Variants in MAN2B2 observed in about 807,000 individuals in gnomAD.
The protein encoded by MAN2B2 is epididymis-specific alpha-mannosidase.
MAN2B2 carries 106 observed loss-of-function variants against 117.1 expected under a neutral mutation model. The observed-to-expected ratio is 0.90, with a 90% CI of 0.77 to 1.06. MAN2B2 has a LOEUF of 1.06. Ranked by LOEUF, MAN2B2 falls within the 50% of genes least tolerant of loss-of-function variation. The pLI, the probability that MAN2B2 is intolerant of heterozygous loss-of-function variation, is 0.00. For synonymous variants in MAN2B2, 544 were observed against 595.1 expected (o/e 0.91, Z 1.25); for missense variants, 1,326 against 1,381.4 (o/e 0.96, Z 0.64).
rs534295259 is a variant in MAN2B2 at position 6,610,448 on chromosome 4, C to T, written c.2259+398C>T. Among the ~76,000 whole-genome samples, 241 of 152,302 alleles carry T rather than the reference C, an allele frequency of 1.6e-3. 1 individual carries two copies. Among genetic ancestry groups the T allele is most frequent in the African/African-American group, 5.5e-3 (229 of 41,548 alleles). On this transcript the variant is annotated intron_variant, in intron 13 of 18. Transcript: ENST00000285599. ...CTGGGATTACAGGTGTGAGCCACCG[C>T]GCCCGGCCTCCAGAGAGAATTCTTT...
At chr4:6,587,298 G>A (rs565585135) in intron 4 of MAN2B2, 130 bp downstream of exon 4, 225 of 1,141,412 alleles carry the variant, frequency 2.0e-4, no homozygotes, top group Admixed American at 2.5e-4. Flanking sequence ...CATAGACCGC[G>A]GGGCTGTCCC....
At position 6,622,564 on chromosome 4, in the gene MAN2B2, G is replaced by A. The variant is rs1341489941; in HGVS notation, c.*1279G>A. 1 of 151,600 alleles carries A rather than the reference G, an allele frequency of 6.6e-6. No individual in the cohort carries two copies. Among genetic ancestry groups the A allele is most frequent in the Non-Finnish European group, 1.5e-5 (1 of 67,980 alleles). 9.4% of individuals were successfully genotyped at this position (151,600 alleles called of 1,614,324 possible). A position where few individuals can be genotyped will look rare whatever the true frequency, so the allele number is the denominator to read the frequency against. On this transcript the variant is annotated 3_prime_UTR_variant, in exon 19 of 19. Coordinates refer to ENST00000285599, the MANE Select transcript of MAN2B2 (RefSeq NM_015274.3). ...AGCAATTCTCCAGCCTCTGCCTCCC[G>A]AGTAGCTGCTACTAGAGATGCACCA...
chr4:6,621,337 C>T lies in MAN2B2; in HGVS notation c.*52C>T, dbSNP rs1445345334. 7.5e-6 allele frequency: 11 copies of T among 1,476,270 alleles called. No individual in the cohort carries two copies. Among genetic ancestry groups the T allele is most frequent in the Non-Finnish European group, 1.0e-5 (11 of 1,061,404 alleles). The allele number at this position is 1,476,270 out of a possible 1,614,324, so 91.4% of individuals were successfully genotyped here. ...GGCTTCCCCCAGGAACTCCATGTAA[C>T]AGAACAGACCCAGGACAGGGAAAAG... On this transcript the variant is annotated 3_prime_UTR_variant, in exon 19 of 19. Coordinates refer to ENST00000285599, the MANE Select transcript of MAN2B2 (RefSeq NM_015274.3).
At chr4:6,604,735 T>C (rs2108750451) in intron 10 of MAN2B2, among the ~76,000 whole-genome samples, 2 of 152,084 alleles carry the variant, frequency 1.3e-5, no homozygotes, top group Non-Finnish European at 2.9e-5. Flanking sequence ...TTGGGTTTGC[T>C]TTTGGGAGTC....
chr4:6,578,167 C>A (rs925727159), intron 2 of MAN2B2, among the ~76,000 whole-genome samples: 2 of 152,072 alleles, frequency 1.3e-5, no homozygotes, highest in Admixed American at 6.6e-5. Flanking sequence ...TTAAGAAAAT[C>A]TTATATATAC....
intron 3 of MAN2B2, among the ~76,000 whole-genome samples, chr4:6,585,805 A>C (rs1726608237): frequency 6.6e-6 from 1 of 152,162 alleles, no homozygotes. Context: ...TGTGAGAGGA[A>C]GCCTCAGTTC....
At position 6,578,360 on chromosome 4, in the gene MAN2B2, C is replaced by G. The variant is rs146629779; in HGVS notation, c.286-33C>G. The stretch of plus-strand genomic sequence containing the variant: ...ACCCAGCCATGCTCAGGAGCCGTAA[C>G]TGGCTTTTTTCTCTCTGCCTGCCCA... On this transcript the variant is annotated intron_variant, in intron 2 of 18. Coordinates refer to ENST00000285599, the MANE Select transcript of MAN2B2 (RefSeq NM_015274.3). 21 of 1,555,634 alleles carry G rather than the reference C, an allele frequency of 1.3e-5. No homozygotes were observed. In the East Asian group the frequency reaches 4.1e-4, roughly 31 times the overall value.
At chr4:6,579,277 C>CCACCATCACCAT (rs1560634902) in intron 3 of MAN2B2, among the ~76,000 whole-genome samples, 1 of 107,632 alleles carries the variant, frequency 9.3e-6, no homozygotes, top group Non-Finnish European at 2.1e-5. Context: ...ACCATCACCA[C>CCACCATCACCAT]CACCATCACC....
chr4:6,617,644 GGGTTT>G (rs1476351052), intron 17 of MAN2B2, 152 bp downstream of exon 17: 10 of 1,460,868 alleles, frequency 6.8e-6, no homozygotes, highest in African/African-American at 1.4e-5. Flanking sequence ...ATGGTCTTCT[GGGTTT>G]GTCAGGTATT....
chr4:6,588,968 C>A lies in MAN2B2; in HGVS notation c.565-77C>A, dbSNP rs1429907965. 4.6e-6 allele frequency: 5 copies of A among 1,091,540 alleles called. No homozygotes were observed. In the Admixed American group the frequency reaches 7.3e-5, roughly 16 times the overall value. The allele number at this position is 1,091,540 out of a possible 1,614,324, so 67.6% of individuals were successfully genotyped here. On this transcript the variant is annotated intron_variant, in intron 4 of 18. Transcript: ENST00000285599. The stretch of plus-strand genomic sequence containing the variant: ...CCAAGGTGAGGGCAGGCGGGAGACA[C>A]CCAGATGGGGCTGAGGGAAGTGGAG...
chr4:6,614,247 C>T lies in MAN2B2; in HGVS notation c.2593C>T (p.Gln865Ter), dbSNP rs767712031. The T allele has an allele frequency of 6.2e-7, 1 of 1,614,146 alleles. No homozygotes were observed. Among genetic ancestry groups the T allele is most frequent in the Non-Finnish European group, 8.5e-7 (1 of 1,179,996 alleles). ...TGCGCCGAAGCTCCCAGGACCCCAG[C>T]AGCAAGAGGCCGTGACGCTGCCCCC... ...GTAPKLPGPQ[Q>*]QEAVTLPPNL... is the part of the protein sequence containing the mutation. Residue 865 changes from glutamine (Q) to a stop codon, truncating the protein, a stop_gained, in exon 16 of 19, where the codon CAG (glutamine) becomes TAG (stop). Coordinates refer to ENST00000285599, the MANE Select transcript of MAN2B2 (RefSeq NM_015274.3). LOFTEE classifies it high-confidence loss of function.
At chr4:6,603,348 C>A (rs899950202) in intron 10 of MAN2B2, among the ~76,000 whole-genome samples, 12 of 152,176 alleles carry the variant, frequency 7.9e-5, no homozygotes, top group Non-Finnish European at 1.8e-4. Flanking sequence ...CAGCCCTGGG[C>A]TGGGTGCTGG....
chr4:6,587,111 T>C lies in MAN2B2; in HGVS notation c.507T>C (p.Asn169=). 6.2e-7 allele frequency: 1 copy of C among 1,613,958 alleles called. No homozygotes were observed. ...TPTLFALAGF[N]AHLGSRIDYD... ...CCCTATTTGCGCTGGCGGGCTTCAA[T>C]GCCCACCTCGGCTCCCGGATCGACT... Residue 169 remains asparagine, a synonymous_variant, in exon 4 of 19, where the codon AAT becomes AAC. Coordinates refer to ENST00000285599, the MANE Select transcript of MAN2B2 (RefSeq NM_015274.3).
intron 3 of MAN2B2, among the ~76,000 whole-genome samples, chr4:6,585,605 T>G (rs1003019210): frequency 6.6e-6 from 1 of 152,180 alleles, no homozygotes; most frequent in Admixed American, 6.5e-5. Flanking sequence ...TGTAGCAAAT[T>G]GCCCCCAAAC....
chr4:6,594,404 C>T, intron 6 of MAN2B2, 130 bp from the exon 7 acceptor site: 1 of 778,958 alleles, frequency 1.3e-6, no homozygotes, highest in Non-Finnish European at 2.1e-6. Context: ...GCTATGGGAG[C>T]TGGTTTGGGG....
chr4:6,576,112 C>T (rs544576747), intron 1 of MAN2B2, among the ~76,000 whole-genome samples: 16 of 152,268 alleles, frequency 1.1e-4, no homozygotes, highest in South Asian at 2.1e-4. Context: ...GACGCCTAGA[C>T]GCCAGGGACA....
At chr4:6,598,693 C>T (rs908334817) in intron 9 of MAN2B2, among the ~76,000 whole-genome samples, 1 of 152,238 alleles carries the variant, frequency 6.6e-6, no homozygotes, top group South Asian at 2.1e-4. Context: ...CCTCATTTTA[C>T]AGCCGAGGAA....
chr4:6,591,395 G>A (rs920035352), intron 5 of MAN2B2, among the ~76,000 whole-genome samples: 5 of 152,342 alleles, frequency 3.3e-5, no homozygotes, highest in Middle Eastern at 3.4e-3. Flanking sequence ...CACCTTACTC[G>A]CCAAGGCCCC....
chr4:6,589,287 C>T, intron 5 of MAN2B2, 127 bp downstream of exon 5: 1 of 718,516 alleles, frequency 1.4e-6, no homozygotes, highest in Non-Finnish European at 2.3e-6. Flanking sequence ...GTTGCCCAGG[C>T]CGGAGTGCAG....
Sources: allele counts gnomAD v4.1 joint callset (sites outside exome capture counted in the v4.1 genomes callset), GRCh38; gene constraint gnomAD v4.1.1; transcripts MANE v1.5; gene names NCBI Gene and HGNC (gene_info 2026-07-23, HGNC 2026-07-21).